DOCK5: variants seen among roughly 807,000 people sequenced by gnomAD.
DOCK5 encodes dedicator of cytokinesis protein 5.
DOCK5 carries 142 observed loss-of-function variants against 251.8 expected under a neutral mutation model. The ratio of observed to expected loss-of-function variants is 0.56; its 90% CI spans 0.49 to 0.65. DOCK5 has a LOEUF of 0.65. Ranked by LOEUF, DOCK5 falls within the 30% of genes least tolerant of loss-of-function variation. The pLI is 0.00. For synonymous variants in DOCK5, 842 were observed against 835.5 expected (o/e 1.01, Z -0.13); for missense variants, 2,111 against 2,312.3 (o/e 0.91, Z 1.79).
chr8:25,258,186 T>G (rs1419391893), intron 2 of DOCK5, among the ~76,000 whole-genome samples: 1 of 151,942 alleles, frequency 6.6e-6, no homozygotes, highest in South Asian at 2.1e-4. Context: ...CTCTCTATTT[T>G]GCTGACTGTG....
chr8:25,289,608 T>C (rs1804433990), intron 5 of DOCK5, among the ~76,000 whole-genome samples: 1 of 151,940 alleles, frequency 6.6e-6, no homozygotes, highest in Non-Finnish European at 1.5e-5. Context: ...TTTGGGAGAC[T>C]GAGGCAGGCG....
At chr8:25,190,637 G>A (rs186811437) in intron 1 of DOCK5, among the ~76,000 whole-genome samples, 23 of 152,148 alleles carry the variant, frequency 1.5e-4, no homozygotes, top group Non-Finnish European at 2.8e-4. Flanking sequence ...CCTTGGCTGA[G>A]GATCACATAG....
In DOCK5 at chr8:25,406,035, C is replaced by T. The variant is rs1419470777; in HGVS notation, c.5094-1948C>T. Among the ~76,000 whole-genome samples, 19 of 151,764 alleles carry T rather than the reference C, an allele frequency of 1.3e-4. 1 individual carries two copies. Among genetic ancestry groups the T allele is most frequent in the Admixed American group, 9.2e-4 (14 of 15,218 alleles). On this transcript the variant is annotated intron_variant, in intron 48 of 51. Transcript: ENST00000276440. ...GTGCAGTGGTGCGATCTCGGCTCACCGCAAGCTCCGCCTCCCGGGTTCACG... is the reference window on the plus strand; with the variant it reads ...GTGCAGTGGTGCGATCTCGGCTCACTGCAAGCTCCGCCTCCCGGGTTCACG...
chr8:25,230,011 C>CA lies in DOCK5; in HGVS notation c.44-13661dup, dbSNP rs964075175. Among the ~76,000 whole-genome samples the CA allele has an allele frequency of 1.2e-3, 184 of 152,240 alleles. 2 individuals carry two copies. The highest frequency in any genetic ancestry group is 3.9e-3 in the African/African-American group (164 of 41,554). ...ATAGTTTTCTCGTAAGTGAAAACTG[C>CA]AATTGGATCTAGAATTACCTTCAAT... On this transcript the variant is annotated intron_variant, in intron 1 of 51. Transcript: ENST00000276440.
At chr8:25,276,046 T>C (rs919368132) in intron 4 of DOCK5, among the ~76,000 whole-genome samples, 6 of 152,170 alleles carry the variant, frequency 3.9e-5, no homozygotes, top group African/African-American at 1.4e-4. Flanking sequence ...TTATTATCTG[T>C]TCACTGATTG....
chr8:25,256,142 T>C (rs1286117145), intron 2 of DOCK5, among the ~76,000 whole-genome samples: 2 of 152,238 alleles, frequency 1.3e-5, no homozygotes, highest in African/African-American at 2.4e-5. Flanking sequence ...GTCTTACTAT[T>C]ATATTCTGTG....
At chr8:25,392,933 T>C (rs1055413572) in intron 44 of DOCK5, 51 bp downstream of exon 44, 7 of 1,445,330 alleles carry the variant, frequency 4.8e-6, no homozygotes, top group Middle Eastern at 1.7e-4. Flanking sequence ...TTTCCAAATA[T>C]AATAACAGCC....
rs140865121 is a variant in DOCK5 at position 25,321,007 on chromosome 8, C to A, written c.1570C>A (p.Arg524Ser). The A allele has an allele frequency of 1.2e-6, 2 of 1,613,484 alleles. No individual in the cohort carries two copies. Among genetic ancestry groups the A allele is most frequent in the South Asian group, 1.1e-5 (1 of 91,020 alleles). The change falls in exon 16 of 52, where the codon CGC (arginine) becomes AGC (serine). Residue 524 changes from arginine (R) to serine (S), a missense_variant. Arg to Ser is a moderately radical substitution (Grantham distance 110). Transcript: ENST00000276440. ...ATCCATTGCTATAGAAGAAGTCACA[C>A]GCTGTCATATAAGATTTACCTTCCG... Reference protein sequence around the residue: ...KVSIAIEEVTRCHIRFTFRHR... With the variant: ...KVSIAIEEVTSCHIRFTFRHR...
At position 25,366,848 on chromosome 8, in the gene DOCK5, C is replaced by T. The variant is rs1313154762; in HGVS notation, c.3124-22C>T. 5 of 1,589,158 alleles carry T rather than the reference C, an allele frequency of 3.1e-6. No individual in the cohort carries two copies. The Admixed American group carries it at 8.4e-5, about 27-fold the overall frequency. ...AATGTTATTTTTCATTTCCCTTTAC[C>T]CACACAATTAATTTTGAACAGCTCT... On this transcript the variant is annotated intron_variant, in intron 30 of 51. Transcript: ENST00000276440.
chr8:25,309,050 C>A (rs770919742), intron 12 of DOCK5, 125 bp downstream of exon 12: 75 of 1,248,180 alleles, frequency 6.0e-5, no homozygotes, highest in Non-Finnish European at 7.5e-5. Context: ...TGGGGACCAT[C>A]CCCCTCAGCT....
chr8:25,376,044 T>G (rs528506882), intron 37 of DOCK5: 5 of 954,446 alleles, frequency 5.2e-6, no homozygotes, highest in Non-Finnish European at 6.2e-6. Context: ...GTTTGCAGTA[T>G]GCTGAGATGG....
At chr8:25,397,717 A>AC (rs1269930904) in intron 45 of DOCK5, among the ~76,000 whole-genome samples, 1 of 152,182 alleles carries the variant, frequency 6.6e-6, no homozygotes, top group Non-Finnish European at 1.5e-5. Flanking sequence ...TTTACAGAAT[A>AC]CCCCTAATCA....
At chr8:25,341,119 A>G in intron 23 of DOCK5, 131 bp downstream of exon 23, 1 of 606,710 alleles carries the variant, frequency 1.6e-6, no homozygotes, top group Non-Finnish European at 2.8e-6. Context: ...GAATTTTAGT[A>G]TGATTTACAG....
At position 25,411,506 on chromosome 8, in the gene DOCK5, A is replaced by G; in HGVS notation, c.*208A>G. On this transcript the variant is annotated 3_prime_UTR_variant, in exon 52 of 52. Coordinates refer to ENST00000276440, the MANE Select transcript of DOCK5 (RefSeq NM_024940.8). ...CCATGCCACCTCCCTTCCAGTCCAC[A>G]TGGAATTCCAGAATCAGTCACAGCC... 2 of 578,672 alleles carry G rather than the reference A, an allele frequency of 3.5e-6. No homozygotes were observed. Among genetic ancestry groups the G allele is most frequent in the East Asian group, 3.6e-5 (1 of 27,700 alleles). The allele number at this position is 578,672 out of a possible 1,614,324, so 35.8% of individuals were successfully genotyped here. A position where few individuals can be genotyped will look rare whatever the true frequency, so the allele number is the denominator to read the frequency against.
At chr8:25,382,584 G>C in intron 39 of DOCK5, 90 bp from the exon 40 acceptor site, 1 of 1,026,282 alleles carries the variant, frequency 9.7e-7, no homozygotes, top group South Asian at 1.5e-5. Context: ...TCTGGGTTAC[G>C]TGGGAAACAA....
At chr8:25,380,191 A>T (rs1305812943) in intron 38 of DOCK5, 114 bp from the exon 39 acceptor site, 2 of 853,272 alleles carry the variant, frequency 2.3e-6, no homozygotes, top group Non-Finnish European at 3.8e-6. Context: ...ATATCTACCG[A>T]AACTCAATCC....
rs984489455 is a variant in DOCK5 at position 25,364,758 on chromosome 8, A to G, written c.3123+54A>G. Reference sequence around the variant, plus strand: ...TAGAATTCTTGGCCATGGCAAGAGAACTATATGAATTTGGAAAATGTCTCC... The same window carrying G: ...TAGAATTCTTGGCCATGGCAAGAGAGCTATATGAATTTGGAAAATGTCTCC... On this transcript the variant is annotated intron_variant, in intron 30 of 51. Coordinates refer to ENST00000276440, the MANE Select transcript of DOCK5 (RefSeq NM_024940.8). The G allele has an allele frequency of 9.2e-6, 12 of 1,309,752 alleles. No homozygotes were observed. The African/African-American group carries it at 1.6e-4, about 18-fold the overall frequency. 81.1% of individuals were successfully genotyped at this position (1,309,752 alleles called of 1,614,324 possible). A position where few individuals can be genotyped will look rare whatever the true frequency, so the allele number is the denominator to read the frequency against.
At chr8:25,272,688 T>C (rs1484567832) in intron 3 of DOCK5, among the ~76,000 whole-genome samples, 3 of 152,174 alleles carry the variant, frequency 2.0e-5, no homozygotes, top group African/African-American at 7.2e-5. Context: ...GGACTTTTTT[T>C]ATTGTGGTAA....
chr8:25,401,210 C>T lies in DOCK5; in HGVS notation c.4926+144C>T. The T allele has an allele frequency of 5.8e-6, 7 of 1,203,090 alleles. No homozygotes were observed. In the South Asian group the frequency reaches 8.5e-5, roughly 15 times the overall value. The allele number at this position is 1,203,090 out of a possible 1,614,324, so 74.5% of individuals were successfully genotyped here. On this transcript the variant is annotated intron_variant, in intron 47 of 51. Coordinates refer to ENST00000276440, the MANE Select transcript of DOCK5 (RefSeq NM_024940.8). ...TGAGGCTGGTGGGAGAGAGTGTGTT[C>T]CCCTCTTGGTGACCTTGAGCAGTCC...
Sources: gnomAD v4.1 joint callset for allele counts (sites outside exome capture counted in the v4.1 genomes callset) on GRCh38, gnomAD v4.1.1 for gene constraint, MANE v1.5 for transcripts, NCBI Gene and HGNC (gene_info 2026-07-23, HGNC 2026-07-21) for gene names.